Variants in PDLIM5 observed in about 807,000 individuals in gnomAD.
The protein encoded by PDLIM5 is PDZ and LIM domain protein 5.
A neutral mutation model predicts 64.2 loss-of-function variants in PDLIM5; 34 were observed. The ratio of observed to expected loss-of-function variants is 0.53; its 90% CI spans 0.40 to 0.71. The LOEUF (loss-of-function observed/expected upper bound fraction) is 0.71. Ranked by LOEUF, PDLIM5 falls within the 30% of genes least tolerant of loss-of-function variation. The pLI is 0.00. For missense variants in PDLIM5, 683 were observed against 733.6 expected (o/e 0.93, Z 0.80); for synonymous variants, 253 against 269.1 (o/e 0.94, Z 0.59).
chr4:94,617,323 A>G (rs1738858062), intron 7 of PDLIM5, among the ~76,000 whole-genome samples: 1 of 152,226 alleles, frequency 6.6e-6, no homozygotes, highest in Non-Finnish European at 1.5e-5. Context: ...TTAAACAGGT[A>G]ACTCTTGGTT....
intron 5 of PDLIM5, chr4:94,579,572 G>A (rs780844040): frequency 1.6e-6 from 2 of 1,231,990 alleles, no homozygotes; most frequent in South Asian, 3.1e-5. Context: ...GAAATATGGT[G>A]ATTTATATAT....
chr4:94,587,404 A>C (rs1324526004), intron 7 of PDLIM5: 1 of 1,079,748 alleles, frequency 9.3e-7, no homozygotes, highest in East Asian at 8.0e-5. Context: ...GAATTTGGTT[A>C]GTTGGTTGGT....
At chr4:94,473,266 T>C (rs1330094879) in intron 2 of PDLIM5, among the ~76,000 whole-genome samples, 1 of 152,170 alleles carries the variant, frequency 6.6e-6, no homozygotes, top group Admixed American at 6.5e-5. Context: ...TTATTTTTTT[T>C]ATTTTTATTT....
intron 2 of PDLIM5, among the ~76,000 whole-genome samples, chr4:94,505,999 T>C (rs1012376662): frequency 6.6e-6 from 1 of 152,200 alleles, no homozygotes; most frequent in African/African-American, 2.4e-5. Context: ...TGCCTTGGTC[T>C]TTCTGGTGAC....
At chr4:94,520,142 T>C (rs1449393495) in intron 2 of PDLIM5, among the ~76,000 whole-genome samples, 1 of 152,154 alleles carries the variant, frequency 6.6e-6, no homozygotes, top group Non-Finnish European at 1.5e-5. Context: ...TGTACAGCCA[T>C]GTGTGCTTGC....
intron 2 of PDLIM5, among the ~76,000 whole-genome samples, chr4:94,475,431 T>C (rs369470515): frequency 2.6e-5 from 4 of 152,286 alleles, no homozygotes; most frequent in South Asian, 4.1e-4. Flanking sequence ...ATAATTCAGA[T>C]TTTTTGCAAA....
chr4:94,555,361 A>G (rs1489006550), intron 3 of PDLIM5, among the ~76,000 whole-genome samples: 3 of 152,162 alleles, frequency 2.0e-5, no homozygotes, highest in Non-Finnish European at 4.4e-5. Flanking sequence ...GCCTAAATGC[A>G]TTTTTTACTT....
rs545556719 is a variant in PDLIM5 at position 94,468,643 on chromosome 4, G to T, written c.96+13259G>T. ...TTAGGTGCATATGTCTGTGGTGTGT[G>T]TTTGGATGAGAAATCAAAGACTCAT... is the stretch of plus-strand genomic sequence containing the variant. On this transcript the variant is annotated intron_variant, in intron 2 of 12. Transcript: ENST00000317968. 1.4e-4 allele frequency among the ~76,000 whole-genome samples: 21 copies of T among 152,290 alleles called. No individual in the cohort carries two copies. In the South Asian group the frequency reaches 4.3e-3, roughly 32 times the overall value.
At chr4:94,521,437 C>G (rs1017481558) in intron 2 of PDLIM5, among the ~76,000 whole-genome samples, 8 of 151,976 alleles carry the variant, frequency 5.3e-5, no homozygotes, top group African/African-American at 1.9e-4. Flanking sequence ...TACATTGTTA[C>G]ATTTAGTAAT....
chr4:94,611,168 A>G (rs754456893), intron 7 of PDLIM5: 46 of 1,535,346 alleles, frequency 3.0e-5, no homozygotes, highest in Non-Finnish European at 3.4e-5. Flanking sequence ...CCTCAAGGAA[A>G]TCAACTGGCT....
chr4:94,462,847 T>A, intron 2 of PDLIM5, among the ~76,000 whole-genome samples: 1 of 152,206 alleles, frequency 6.6e-6, no homozygotes, highest in Non-Finnish European at 1.5e-5. Context: ...GATGGGCCAG[T>A]TTCCACCTGT....
rs539410222 is a variant in PDLIM5, at chr4:94,515,197, G to C, written c.97-8527G>C. ...GTATTATGGAGAGTTGGGTACACAT[G>C]TGAAAAGTGGAATAGTATAAAACAG... On this transcript the variant is annotated intron_variant, in intron 2 of 12. Transcript: ENST00000317968. 5.5e-4 allele frequency among the ~76,000 whole-genome samples: 83 copies of C among 152,270 alleles called. 1 individual carries two copies. The highest frequency in any genetic ancestry group is 1.9e-3 in the African/African-American group (81 of 41,564).
chr4:94,662,496 G>C lies in PDLIM5; in HGVS notation c.1660G>C (p.Ala554Pro), dbSNP rs1488307108. The C allele has an allele frequency of 1.1e-5, 17 of 1,606,670 alleles. No homozygotes were observed. The East Asian group carries it at 3.8e-4, about 36-fold the overall frequency. The change falls in exon 12 of 13, where the codon GCT (alanine) becomes CCT (proline). Residue 554 changes from alanine to proline, a missense_variant. Ala to Pro is a conservative substitution (Grantham distance 27). Coordinates refer to ENST00000317968, the MANE Select transcript of PDLIM5 (RefSeq NM_006457.5). ...PIEAGDMFLE[A>P]LGYTWHDTCF... is the part of the protein sequence containing the mutation. ...AGAAGCTGGTGACATGTTCCTGGAA[G>C]CTCTGGGCTACACCTGGCATGACAC...
At chr4:94,662,823 TAA>T (rs3833614) in intron 12 of PDLIM5, among the ~76,000 whole-genome samples, 58 of 147,362 alleles carry the variant, frequency 3.9e-4, no homozygotes, top group Middle Eastern at 3.6e-3. Context: ...TTCCTTTACT[TAA>T]AAAAAAAAAA....
At chr4:94,576,132 T>C in intron 5 of PDLIM5, 98 bp downstream of exon 5, 5 of 992,588 alleles carry the variant, frequency 5.0e-6, no homozygotes, top group Middle Eastern at 2.5e-4. Flanking sequence ...CCAACTTTCT[T>C]TGAAGGAAGG....
At chr4:94,456,458 A>G in intron 2 of PDLIM5, 1 of 699,714 alleles carries the variant, frequency 1.4e-6, no homozygotes, top group Non-Finnish European at 2.6e-6. Context: ...TCGGCCTCCC[A>G]AAGTGCTAAG....
chr4:94,516,827 C>T (rs1281679595), intron 2 of PDLIM5, among the ~76,000 whole-genome samples: 3 of 152,180 alleles, frequency 2.0e-5, no homozygotes, highest in African/African-American at 7.2e-5. Flanking sequence ...CCACTGTGCC[C>T]ACCCCAGCCT....
chr4:94,587,748 G>T, intron 7 of PDLIM5: 1 of 982,820 alleles, frequency 1.0e-6, no homozygotes, highest in Non-Finnish European at 1.2e-6. Context: ...GTATTCTTTG[G>T]TTTGGTTGGA....
intron 9 of PDLIM5, among the ~76,000 whole-genome samples, chr4:94,651,445 A>T (rs533305324): frequency 2.0e-5 from 3 of 152,380 alleles, no homozygotes; most frequent in Non-Finnish European, 4.4e-5. Context: ...TTATGTATTT[A>T]TAGTGAACTA....
Sources: gnomAD v4.1 joint callset for allele counts (sites outside exome capture counted in the v4.1 genomes callset) on GRCh38, gnomAD v4.1.1 for gene constraint, MANE v1.5 for transcripts, NCBI Gene and HGNC (gene_info 2026-07-23, HGNC 2026-07-21) for gene names.